Variants in ASB15 observed in about 807,000 individuals in gnomAD.
ASB15 encodes the protein ankyrin repeat and SOCS box containing 15.
Under a neutral mutation model 58.0 loss-of-function variants are expected in ASB15, and 54 were observed. That is an observed-to-expected ratio of 0.93 (90% CI 0.75 to 1.17). ASB15 has a LOEUF of 1.17. Ranked by LOEUF, ASB15 falls within the 50% of genes most tolerant of loss-of-function variation. The probability of loss-of-function intolerance (pLI) is 0.00; values close to 1 mark genes in which losing one functional copy is unlikely to be tolerated. For synonymous variants in ASB15, 249 were observed against 262.4 expected (o/e 0.95, Z 0.50); for missense variants, 680 against 707.4 (o/e 0.96, Z 0.44).
chr7:123,623,797 G>A (rs1221324562), intron 7 of ASB15, among the ~76,000 whole-genome samples: 6 of 150,342 alleles, frequency 4.0e-5, no homozygotes, highest in Admixed American at 3.3e-4. Context: ...CCAGGAGGTG[G>A]AGGTTGCAGT....
intron 3 of ASB15, among the ~76,000 whole-genome samples, chr7:123,611,260 G>C (rs769272531): frequency 8.5e-5 from 13 of 152,182 alleles, no homozygotes; most frequent in Non-Finnish European, 1.8e-4. Context: ...AGGTGGGATT[G>C]AGTCCTAGCC....
intron 9 of ASB15, among the ~76,000 whole-genome samples, chr7:123,627,846 C>G (rs1299004610): frequency 6.6e-6 from 1 of 152,176 alleles, no homozygotes; most frequent in Non-Finnish European, 1.5e-5. Context: ...CTATATTAAA[C>G]TACCCACCAT....
intron 1 of ASB15, among the ~76,000 whole-genome samples, chr7:123,568,305 G>A (rs1798813615): frequency 1.3e-5 from 2 of 152,046 alleles, no homozygotes; most frequent in Non-Finnish European, 2.9e-5. Flanking sequence ...CTGAGGTTGG[G>A]AGTTTGAGAC....
chr7:123,602,073 T>C (rs1490491532), intron 1 of ASB15, among the ~76,000 whole-genome samples, 159 bp downstream of exon 1: 1 of 152,214 alleles, frequency 6.6e-6, no homozygotes, highest in Non-Finnish European at 1.5e-5. Flanking sequence ...AGAGCCTTTT[T>C]AATTAGAGAC....
Position 123,624,694 on chromosome 7 carries a change from G to C in ASB15, c.577G>C (p.Val193Leu). 1.9e-6 allele frequency: 3 copies of C among 1,614,154 alleles called. No individual in the cohort carries two copies. Among genetic ancestry groups the C allele is most frequent in the Non-Finnish European group, 2.5e-6 (3 of 1,180,032 alleles). ...EAAKQGRKDIVALLLKHGGNV... is the reference protein window; with the variant it reads ...EAAKQGRKDILALLLKHGGNV... ...AGCCAAGCAAGGCCGAAAAGATATC[G>C]TAGCTCTGCTGCTGAAACATGGAGG... is the stretch of plus-strand genomic sequence containing the variant. Residue 193 changes from valine (V) to leucine (L), a missense_variant, in exon 8 of 12, where the codon GTA (valine) becomes CTA (leucine). By Grantham distance (32) the Val-to-Leu change is conservative. Transcript: ENST00000451215.
intron 1 of ASB15, among the ~76,000 whole-genome samples, chr7:123,588,034 T>A (rs142290682): frequency 6.1e-4 from 92 of 151,932 alleles, no homozygotes; most frequent in South Asian, 2.1e-3. Flanking sequence ...GGTATCAGGA[T>A]AATGCTGGCC....
intron 1 of ASB15, among the ~76,000 whole-genome samples, chr7:123,580,015 T>G (rs1799181273): frequency 6.6e-6 from 1 of 151,878 alleles, no homozygotes; most frequent in Non-Finnish European, 1.5e-5. Context: ...ATAATTACTA[T>G]GTAAGGCAAA....
At chr7:123,609,068 T>G (rs1800300549) in intron 3 of ASB15, 1 of 151,464 alleles carries the variant, frequency 6.6e-6, no homozygotes, top group African/African-American at 2.4e-5. Context: ...GTAGATTAGC[T>G]CAACACTCGA....
intron 1 of ASB15, among the ~76,000 whole-genome samples, chr7:123,585,543 C>T (rs1799351996): frequency 1.3e-5 from 2 of 151,696 alleles, no homozygotes; most frequent in Non-Finnish European, 1.5e-5. Flanking sequence ...ATACATAATG[C>T]TGCAATGTGA....
chr7:123,574,506 A>C (rs1178065350), intron 1 of ASB15, among the ~76,000 whole-genome samples: 1 of 152,194 alleles, frequency 6.6e-6, no homozygotes, highest in African/African-American at 2.4e-5. Flanking sequence ...GATGATAATG[A>C]TAGTGGGCTG....
At chr7:123,581,783 CAT>C (rs1457506418) in intron 1 of ASB15, among the ~76,000 whole-genome samples, 1 of 152,020 alleles carries the variant, frequency 6.6e-6, no homozygotes, top group African/African-American at 2.4e-5. Flanking sequence ...GAATATATCA[CAT>C]ATGTTTGTAT....
intron 7 of ASB15, among the ~76,000 whole-genome samples, chr7:123,624,233 A>T (rs1801615674): frequency 6.6e-6 from 1 of 152,144 alleles, no homozygotes; most frequent in African/African-American, 2.4e-5. Context: ...GTACAACCCA[A>T]CAACAAGTGT....
intron 1 of ASB15, among the ~76,000 whole-genome samples, chr7:123,589,894 C>T (rs1292336353): frequency 6.6e-6 from 1 of 152,188 alleles, no homozygotes; most frequent in Admixed American, 6.5e-5. Context: ...GGAATCGCCA[C>T]GCTGTCTTCC....
chr7:123,590,231 A>G (rs1799496991), intron 1 of ASB15, among the ~76,000 whole-genome samples: 1 of 152,158 alleles, frequency 6.6e-6, no homozygotes, highest in Non-Finnish European at 1.5e-5. Flanking sequence ...ACCCTTTGTC[A>G]GATGGATAGG....
chr7:123,624,458 A>G (rs1176714019), intron 7 of ASB15, 111 bp from the exon 8 acceptor site: 8 of 1,046,930 alleles, frequency 7.6e-6, no homozygotes, highest in Non-Finnish European at 1.1e-5. Flanking sequence ...CTTGTAGAAA[A>G]AAAGTTACTA....
chr7:123,580,882 T>C (rs561524970), intron 1 of ASB15, among the ~76,000 whole-genome samples: 1 of 152,140 alleles, frequency 6.6e-6, no homozygotes, highest in Non-Finnish European at 1.5e-5. Flanking sequence ...TGTTGAAGCT[T>C]GGTCAGAGAC....
intron 1 of ASB15, among the ~76,000 whole-genome samples, chr7:123,592,449 G>A (rs1018878412): frequency 1.3e-5 from 2 of 152,128 alleles, no homozygotes; most frequent in Non-Finnish European, 2.9e-5. Context: ...TCCACACACT[G>A]CTTTAAATGT....
At chr7:123,619,201 AAAG>A (rs1562931877) in intron 7 of ASB15, among the ~76,000 whole-genome samples, 1 of 149,788 alleles carries the variant, frequency 6.7e-6, no homozygotes, top group Non-Finnish European at 1.5e-5. Context: ...AAAAAAAAAA[AAAG>A]AAGTCACATT....
At position 123,617,738 on chromosome 7, in the gene ASB15, G is replaced by A. The variant is rs776335852; in HGVS notation, c.451+1G>A. ...AAAGGAGAGACCCCCCTTCTGATTG[G>A]TAAATGACCTTTTTTTCTAGAACTT... On this transcript the variant is annotated splice_donor_variant, in intron 7 of 11. Transcript: ENST00000451215. LOFTEE classifies it high-confidence loss of function. The A allele has an allele frequency of 5.6e-6, 9 of 1,600,104 alleles. No individual in the cohort carries two copies. The African/African-American group carries it at 1.1e-4, about 19-fold the overall frequency.
Sources: gnomAD v4.1 joint callset for allele counts (sites outside exome capture counted in the v4.1 genomes callset) on GRCh38, gnomAD v4.1.1 for gene constraint, MANE v1.5 for transcripts, NCBI Gene and HGNC (gene_info 2026-07-23, HGNC 2026-07-21) for gene names.